The following RGS8 variants were observed in gnomAD, a reference collection of about 807,000 sequenced individuals.
The protein encoded by RGS8 is regulator of G-protein signaling 8.
In RGS8, 8 loss-of-function variants were observed where a neutral mutation model predicts 21.7. The observed-to-expected ratio is 0.37, with a 90% CI of 0.22 to 0.66. The LOEUF is 0.66. Ranked by LOEUF, RGS8 falls within the 30% of genes least tolerant of loss-of-function variation. The pLI, the probability that RGS8 is intolerant of heterozygous loss-of-function variation, is 0.59. For missense variants in RGS8, 157 were observed against 217.9 expected (o/e 0.72, Z 1.76); for synonymous variants, 80 against 83.6 (o/e 0.96, Z 0.24).
the RGS8 span, among the ~76,000 whole-genome samples, chr1:182,702,916 C>T: frequency 6.6e-6 from 1 of 152,178 alleles, no homozygotes; most frequent in Non-Finnish European, 1.5e-5. Flanking sequence ...AGTAAGTCAC[C>T]TCTCTAAAGG....
chr1:182,747,884 A>G, the RGS8 span, among the ~76,000 whole-genome samples: 2 of 151,336 alleles, frequency 1.3e-5, no homozygotes, highest in Non-Finnish European at 2.9e-5. Flanking sequence ...CAGTGTTTAA[A>G]TCAGAGCTCC....
chr1:182,689,991 A>G, the RGS8 span, among the ~76,000 whole-genome samples: 1 of 152,068 alleles, frequency 6.6e-6, no homozygotes, highest in Non-Finnish European at 1.5e-5. Flanking sequence ...CATTTTTCTT[A>G]TTCCATTTCC....
chr1:182,700,036 G>A, the RGS8 span, among the ~76,000 whole-genome samples: 3 of 152,214 alleles, frequency 2.0e-5, no homozygotes, highest in Non-Finnish European at 2.9e-5. Flanking sequence ...CGGGATCCAG[G>A]GCGAAGCCTG....
chr1:182,687,420 G>T (rs1283382469), upstream of RGS8, among the ~76,000 whole-genome samples: 2 of 152,218 alleles, frequency 1.3e-5, no homozygotes, highest in Non-Finnish European at 2.9e-5. Flanking sequence ...TTAGAGTATT[G>T]CTTCTCAGAT....
intron 1 of RGS8, among the ~76,000 whole-genome samples, chr1:182,680,185 T>G (rs891317794): frequency 2.0e-5 from 3 of 152,126 alleles, no homozygotes; most frequent in African/African-American, 7.2e-5. Flanking sequence ...CTGCATTTCC[T>G]TCTCCTCAAA....
At chr1:182,721,768 A>G in the RGS8 span, among the ~76,000 whole-genome samples, 2 of 152,348 alleles carry the variant, frequency 1.3e-5, no homozygotes, top group Admixed American at 1.3e-4. Flanking sequence ...AGTTCATATC[A>G]TGACATGAAA....
At chr1:182,716,200 A>G in the RGS8 span, among the ~76,000 whole-genome samples, 22 of 150,380 alleles carry the variant, frequency 1.5e-4, no homozygotes, top group African/African-American at 5.4e-4. Context: ...ATCATAGCTC[A>G]TTGCAACTTC....
At chr1:182,720,920 C>T in the RGS8 span, among the ~76,000 whole-genome samples, 14 of 52,148 alleles carry the variant, frequency 2.7e-4, no homozygotes, top group East Asian at 2.4e-3. Context: ...TGTGTATATA[C>T]ATATATACAT....
the RGS8 span, among the ~76,000 whole-genome samples, chr1:182,700,965 A>G: frequency 1.3e-5 from 2 of 152,228 alleles, no homozygotes; most frequent in African/African-American, 4.8e-5. Flanking sequence ...AAGCTTCCCC[A>G]TTGTAATGAA....
At chr1:182,696,064 A>G in the RGS8 span, among the ~76,000 whole-genome samples, 3 of 152,176 alleles carry the variant, frequency 2.0e-5, no homozygotes, top group African/African-American at 4.8e-5. Flanking sequence ...TTTATAGGCC[A>G]GACATTGTAC....
At chr1:182,690,309 C>T in the RGS8 span, among the ~76,000 whole-genome samples, 1 of 152,188 alleles carries the variant, frequency 6.6e-6, no homozygotes, top group Non-Finnish European at 1.5e-5. Context: ...TTTTCGATTA[C>T]CCATTTTCTT....
At chr1:182,733,454 AT>A in the RGS8 span, among the ~76,000 whole-genome samples, 1 of 152,194 alleles carries the variant, frequency 6.6e-6, no homozygotes, top group African/African-American at 2.4e-5. Flanking sequence ...GACTTATGAA[AT>A]TTTGACAGAG....
At chr1:182,687,297 C>T (rs1664733493), upstream of RGS8, among the ~76,000 whole-genome samples, 1 of 152,202 alleles carries the variant, frequency 6.6e-6, no homozygotes, top group African/African-American at 2.4e-5. Flanking sequence ...TGGGCCTCAG[C>T]CTCTGAAGAA....
chr1:182,669,881 A>T, intron 2 of RGS8, 129 bp from the exon 4 acceptor site: 1 of 1,072,932 alleles, frequency 9.3e-7, no homozygotes, highest in Non-Finnish European at 1.3e-6. Context: ...ACAAATGTCC[A>T]CTTGTCCTTA....
chr1:182,669,592 AG>A (rs1341085079), intron 3 of RGS8, 31 bp downstream of exon 4: 5 of 1,614,200 alleles, frequency 3.1e-6, no homozygotes, highest in Non-Finnish European at 4.2e-6. Context: ...GGAAAGGGTC[AG>A]GGGCAAGAAA....
At chr1:182,725,790 C>T in the RGS8 span, among the ~76,000 whole-genome samples, 1 of 152,130 alleles carries the variant, frequency 6.6e-6, no homozygotes, top group Non-Finnish European at 1.5e-5. Context: ...GACGTCACGG[C>T]GTGTGATTCA....
At chr1:182,687,032 G>T (rs938432895), upstream of RGS8, among the ~76,000 whole-genome samples, 1 of 151,950 alleles carries the variant, frequency 6.6e-6, no homozygotes, top group Non-Finnish European at 1.5e-5. Context: ...ATGGCAAAAA[G>T]AATTTTCGTC....
the RGS8 span, among the ~76,000 whole-genome samples, chr1:182,690,473 C>A: frequency 2.0e-5 from 3 of 152,196 alleles, no homozygotes; most frequent in Non-Finnish European, 4.4e-5. Flanking sequence ...AGCATATAGG[C>A]ATGGATGTTT....
At chr1:182,724,306 A>C in the RGS8 span, among the ~76,000 whole-genome samples, 1 of 147,888 alleles carries the variant, frequency 6.8e-6, no homozygotes, top group East Asian at 2.0e-4. Context: ...TCAAGGACAG[A>C]AAAAGGAAAA....
Sources: allele counts gnomAD v4.1 joint callset (sites outside exome capture counted in the v4.1 genomes callset), GRCh38; gene constraint gnomAD v4.1.1; transcripts MANE v1.5; gene names NCBI Gene and HGNC (gene_info 2026-07-23, HGNC 2026-07-21).